STXBP5L: variants seen among roughly 807,000 people sequenced by gnomAD.
STXBP5L encodes the protein syntaxin binding protein 5L, also known as syntaxin-binding protein 5-like.
In STXBP5L, 65 loss-of-function variants were observed where a neutral mutation model predicts 144.5. The observed-to-expected ratio is 0.45, with a 90% CI of 0.37 to 0.55. The LOEUF (loss-of-function observed/expected upper bound fraction) is 0.55, where lower values mean the gene tolerates loss of function less well. Among genes scored for constraint, STXBP5L ranks in the 20% least tolerant of loss-of-function variants. The pLI is 0.00. For missense variants in STXBP5L, 1,298 were observed against 1,405.5 expected (o/e 0.92, Z 1.22); for synonymous variants, 505 against 469.6 (o/e 1.08, Z -0.97).
chr3:120,994,691 C>T (rs76814916), intron 3 of STXBP5L, among the ~76,000 whole-genome samples: 18,256 of 151,904 alleles, frequency 0.12, 1,152 homozygotes, highest in Non-Finnish European at 0.14. Context: ...TGCTAGTATT[C>T]TGTTGATTTT....
intron 3 of STXBP5L, among the ~76,000 whole-genome samples, chr3:120,986,782 C>T (rs1448696232): frequency 6.6e-6 from 1 of 151,536 alleles, no homozygotes; most frequent in African/African-American, 2.4e-5. Flanking sequence ...AATTTGAGAG[C>T]TGAAAATTAC....
rs560595140 is a variant in STXBP5L at position 121,201,234 on chromosome 3, C to T, written c.878-4689C>T. On this transcript the variant is annotated intron_variant, in intron 9 of 26. Coordinates refer to ENST00000471454, the MANE Select transcript of STXBP5L (RefSeq NM_001308330.2). ...GCATATATGTTTAGGATAGTTAGCA[C>T]TTCTTGTTGCATTGATCCCTTTACC... 1.8e-4 allele frequency among the ~76,000 whole-genome samples: 27 copies of T among 152,316 alleles called. No homozygotes were observed. The South Asian group carries it at 3.9e-3, about 22-fold the overall frequency.
At position 121,420,405 on chromosome 3, in the gene STXBP5L, G is replaced by C. The variant is rs955789556; in HGVS notation, c.*1308G>C. The stretch of plus-strand genomic sequence containing the variant: ...TACAAAATCAATGCTTTTGTCCCTA[G>C]GTCAAATAATATAAGCCACTAGATT... On this transcript the variant is annotated 3_prime_UTR_variant, in exon 27 of 27. Coordinates refer to ENST00000471454, the MANE Select transcript of STXBP5L (RefSeq NM_001308330.2). The C allele has an allele frequency of 2.6e-5, 4 of 151,670 alleles. No homozygotes were observed. The highest frequency in any genetic ancestry group is 2.0e-4 in the Admixed American group (3 of 15,240). 9.4% of individuals were successfully genotyped at this position (151,670 alleles called of 1,614,324 possible). A position where few individuals can be genotyped will look rare whatever the true frequency, so the allele number is the denominator to read the frequency against.
At chr3:121,233,470 C>A in intron 11 of STXBP5L, 146 bp from the exon 12 acceptor site, 1 of 487,092 alleles carries the variant, frequency 2.1e-6, no homozygotes, top group Non-Finnish European at 3.5e-6. Context: ...TTTTTAAGTG[C>A]TCTTTGTTAC....
intron 9 of STXBP5L, among the ~76,000 whole-genome samples, chr3:121,182,337 G>A (rs769464866): frequency 6.6e-6 from 1 of 151,968 alleles, no homozygotes; most frequent in Non-Finnish European, 1.5e-5. Flanking sequence ...AGACTATGGT[G>A]GAATAAAACT....
chr3:121,154,232 G>A lies in STXBP5L; in HGVS notation c.753+1672G>A, dbSNP rs1399092460. ...ATATATCATCTTTATCTACTTTAATGTGTCATTATATGCTCTATTGTTTTA... is the reference window on the plus strand; with the variant it reads ...ATATATCATCTTTATCTACTTTAATATGTCATTATATGCTCTATTGTTTTA... On this transcript the variant is annotated intron_variant, in intron 8 of 26. Coordinates refer to ENST00000471454, the MANE Select transcript of STXBP5L (RefSeq NM_001308330.2). 2.6e-5 allele frequency among the ~76,000 whole-genome samples: 4 copies of A among 151,696 alleles called. No individual in the cohort carries two copies. In the South Asian group the frequency reaches 8.3e-4, roughly 31 times the overall value.
intron 19 of STXBP5L, among the ~76,000 whole-genome samples, chr3:121,296,541 T>A (rs2051656888): frequency 6.6e-6 from 1 of 152,184 alleles, no homozygotes; most frequent in Non-Finnish European, 1.5e-5. Flanking sequence ...TCCTTTTCTA[T>A]GGGGCTATGG....
chr3:120,979,627 C>A (rs1022314755), intron 3 of STXBP5L, among the ~76,000 whole-genome samples: 3 of 152,184 alleles, frequency 2.0e-5, no homozygotes, highest in Non-Finnish European at 2.9e-5. Context: ...CAGAAATCAC[C>A]CATCTTCTGC....
At chr3:120,951,685 G>C (rs892911062) in intron 2 of STXBP5L, among the ~76,000 whole-genome samples, 1 of 151,576 alleles carries the variant, frequency 6.6e-6, no homozygotes, top group South Asian at 2.1e-4. Flanking sequence ...GGAGAAATAG[G>C]AACACTTTTA....
intron 5 of STXBP5L, among the ~76,000 whole-genome samples, chr3:121,085,017 T>C (rs1216665165): frequency 6.6e-6 from 1 of 150,674 alleles, no homozygotes; most frequent in Non-Finnish European, 1.5e-5. Context: ...ATGTCTTTTT[T>C]TGAGAAGTGT....
chr3:121,244,778 A>T (rs1046982664), intron 14 of STXBP5L, among the ~76,000 whole-genome samples: 2 of 152,164 alleles, frequency 1.3e-5, no homozygotes, highest in Admixed American at 1.3e-4. Flanking sequence ...GTGGGATAAT[A>T]TACTCAAAGT....
At chr3:121,309,725 G>A (rs2043461555) in intron 19 of STXBP5L, among the ~76,000 whole-genome samples, 1 of 152,120 alleles carries the variant, frequency 6.6e-6, no homozygotes. Flanking sequence ...CAGGTTGGAA[G>A]ACTCACCTTT....
chr3:121,072,891 G>A (rs558592158), intron 5 of STXBP5L, among the ~76,000 whole-genome samples: 270 of 152,196 alleles, frequency 1.8e-3, no homozygotes, highest in Non-Finnish European at 2.7e-3. Context: ...TGGCTCTGTG[G>A]GCATGCAAAG....
intron 9 of STXBP5L, among the ~76,000 whole-genome samples, chr3:121,177,980 G>A (rs1280058490): frequency 6.6e-6 from 1 of 152,154 alleles, no homozygotes; most frequent in Non-Finnish European, 1.5e-5. Flanking sequence ...GCTACAACAT[G>A]GATGAACCTT....
chr3:120,918,846 T>C (rs1440776401), intron 2 of STXBP5L, among the ~76,000 whole-genome samples: 1 of 152,152 alleles, frequency 6.6e-6, no homozygotes, highest in Admixed American at 6.6e-5. Context: ...TGTGCTTTTG[T>C]GTATATTAAT....
intron 3 of STXBP5L, among the ~76,000 whole-genome samples, chr3:120,959,434 A>G (rs1308606195): frequency 2.0e-5 from 3 of 152,130 alleles, no homozygotes; most frequent in Non-Finnish European, 4.4e-5. Context: ...AAAAGATCCC[A>G]CATTGCCAAG....
chr3:121,124,001 C>A (rs2107861732), intron 7 of STXBP5L, among the ~76,000 whole-genome samples: 1 of 151,842 alleles, frequency 6.6e-6, no homozygotes, highest in South Asian at 2.1e-4. Context: ...TTGCATTTCA[C>A]AATTAGATTT....
chr3:120,989,176 G>A (rs372545415), intron 3 of STXBP5L, among the ~76,000 whole-genome samples: 1 of 151,970 alleles, frequency 6.6e-6, no homozygotes, highest in Non-Finnish European at 1.5e-5. Flanking sequence ...CTTTCGGTAG[G>A]TACCCAGTAG....
At chr3:121,287,384 T>C (rs1311026640) in intron 19 of STXBP5L, among the ~76,000 whole-genome samples, 1 of 152,218 alleles carries the variant, frequency 6.6e-6, no homozygotes, top group Non-Finnish European at 1.5e-5. Flanking sequence ...AATGTGAGTT[T>C]AACAATGTGC....
Sources: allele counts gnomAD v4.1 joint callset (sites outside exome capture counted in the v4.1 genomes callset), GRCh38; gene constraint gnomAD v4.1.1; transcripts MANE v1.5; gene names NCBI Gene and HGNC (gene_info 2026-07-23, HGNC 2026-07-21).